Variants in ANK2 observed in about 807,000 individuals in gnomAD.
ANK2 encodes the protein ankyrin-2.
In ANK2, 83 loss-of-function variants were observed where a neutral mutation model predicts 360.5. The ratio of observed to expected loss-of-function variants is 0.23; its 90% confidence interval spans 0.19 to 0.28. The LOEUF (loss-of-function observed/expected upper bound fraction) is 0.28. Among genes scored for constraint, ANK2 ranks in the 10% least tolerant of loss-of-function variants. ANK2 has a pLI of 1.00. For missense variants in ANK2, 4,201 were observed against 4,795.7 expected (o/e 0.88, Z 3.66); for synonymous variants, 1,740 against 1,759.5 (o/e 0.99, Z 0.28).
At chr4:112,927,252 A>G (rs901779247) in intron 2 of ANK2, among the ~76,000 whole-genome samples, 2 of 152,314 alleles carry the variant, frequency 1.3e-5, no homozygotes, top group East Asian at 1.9e-4. Context: ...TTAACATCTT[A>G]CTGATCCTCT....
chr4:112,896,571 G>A (rs151035749), intron 1 of ANK2, among the ~76,000 whole-genome samples: 2 of 152,344 alleles, frequency 1.3e-5, no homozygotes, highest in Admixed American at 6.5e-5. Flanking sequence ...AGATAAATGT[G>A]TGAGTGCTGG....
intron 45 of ANK2, among the ~76,000 whole-genome samples, chr4:113,376,975 CCT>C (rs1199266752): frequency 3.3e-5 from 5 of 151,900 alleles, no homozygotes; most frequent in Non-Finnish European, 7.4e-5. Flanking sequence ...GAAAACAATG[CCT>C]TATTCTGCAA....
intron 2 of ANK2, among the ~76,000 whole-genome samples, chr4:112,922,838 A>G (rs956665889): frequency 1.3e-5 from 2 of 152,176 alleles, no homozygotes; most frequent in African/African-American, 4.8e-5. Context: ...ACTGATACCA[A>G]CCTAGCAAAA....
At chr4:113,365,008 C>G (rs745650364) in intron 40 of ANK2, 31 bp from the exon 41 acceptor site, 1 of 1,613,056 alleles carries the variant, frequency 6.2e-7, no homozygotes, top group Non-Finnish European at 8.5e-7. Flanking sequence ...ACCTCTCAGA[C>G]ATAATAAATG....
At chr4:112,877,019 C>T (rs1226045282) in intron 1 of ANK2, among the ~76,000 whole-genome samples, 1 of 152,150 alleles carries the variant, frequency 6.6e-6, no homozygotes, top group African/African-American at 2.4e-5. Flanking sequence ...TGACTTTCTC[C>T]CCCTTAATTG....
At chr4:112,796,537 A>T in the ANK2 span, among the ~76,000 whole-genome samples, 1 of 151,958 alleles carries the variant, frequency 6.6e-6, no homozygotes. Context: ...TTAAATAGAG[A>T]CGGGTTCTCA....
intron 1 of ANK2, among the ~76,000 whole-genome samples, chr4:113,053,044 G>A (rs1020233239): frequency 2.6e-5 from 4 of 152,188 alleles, no homozygotes; most frequent in African/African-American, 9.6e-5. Context: ...CTTGGACAAC[G>A]TCTTTGTTTT....
At chr4:112,794,613 A>G in the ANK2 span, among the ~76,000 whole-genome samples, 7 of 152,188 alleles carry the variant, frequency 4.6e-5, no homozygotes, top group African/African-American at 1.7e-4. Context: ...CATCTATATG[A>G]GTTTGTTGCT....
chr4:112,957,556 G>A (rs1371754230), intron 2 of ANK2, among the ~76,000 whole-genome samples: 1 of 151,836 alleles, frequency 6.6e-6, no homozygotes, highest in African/African-American at 2.4e-5. Context: ...GGTGGTGGCC[G>A]GGCAGAAGGG....
chr4:112,803,017 A>G, the ANK2 span, among the ~76,000 whole-genome samples: 4 of 152,108 alleles, frequency 2.6e-5, no homozygotes, highest in Non-Finnish European at 4.4e-5. Context: ...TGGTCTGATT[A>G]CTGGCTGTTG....
chr4:113,079,320 A>AACT (rs1382525535), intron 1 of ANK2, among the ~76,000 whole-genome samples: 1 of 152,124 alleles, frequency 6.6e-6, no homozygotes, highest in Non-Finnish European at 1.5e-5. Context: ...AACCTACATG[A>AACT]ACTGGGAGCA....
intron 4 of ANK2, among the ~76,000 whole-genome samples, chr4:113,228,959 G>A (rs901732188): frequency 6.6e-6 from 1 of 152,166 alleles, no homozygotes; most frequent in Non-Finnish European, 1.5e-5. Context: ...TGAGGGCAAT[G>A]CCACTCCTGG....
intron 24 of ANK2, 186 bp from the exon 25 acceptor site, chr4:113,317,521 T>C: frequency 1.6e-6 from 1 of 644,722 alleles, no homozygotes; most frequent in South Asian, 1.7e-5. Context: ...GGTAGGAACC[T>C]GTCAAAGGAT....
At chr4:112,798,503 C>T in the ANK2 span, 1 of 152,278 alleles carries the variant, frequency 6.6e-6, no homozygotes, top group South Asian at 2.1e-4. Context: ...CAAGGCTGGT[C>T]TTGAACTCCC....
intron 2 of ANK2, chr4:113,031,580 T>G (rs1230187705): frequency 2.0e-5 from 3 of 151,614 alleles, no homozygotes; most frequent in Non-Finnish European, 4.4e-5. Flanking sequence ...CCATTTCTAT[T>G]TTTTTGGTAT....
intron 2 of ANK2, among the ~76,000 whole-genome samples, chr4:113,011,809 G>C (rs1187496964): frequency 1.3e-5 from 2 of 151,986 alleles, no homozygotes; most frequent in African/African-American, 4.8e-5. Flanking sequence ...TTATGCCAAA[G>C]TGGCATATTT....
chr4:112,872,274 C>A (rs996421208), intron 1 of ANK2, among the ~76,000 whole-genome samples: 3 of 151,984 alleles, frequency 2.0e-5, no homozygotes, highest in African/African-American at 7.3e-5. Flanking sequence ...AAGCGATCCT[C>A]CTGCCTTGGC....
intron 26 of ANK2, 105 bp downstream of exon 26, chr4:113,318,725 G>A (rs1476248454): frequency 2.1e-6 from 2 of 933,298 alleles, no homozygotes; most frequent in Admixed American, 2.0e-5. Flanking sequence ...CTTTACAGTG[G>A]AGGTGCCCTT....
chr4:113,335,743 C>A, intron 29 of ANK2, 103 bp from the exon 30 acceptor site: 1 of 1,217,530 alleles, frequency 8.2e-7, no homozygotes, highest in Non-Finnish European at 1.2e-6. Flanking sequence ...ATGTGTTTTG[C>A]TGGCACTTCT....
Sources: allele counts gnomAD v4.1 joint callset (sites outside exome capture counted in the v4.1 genomes callset), GRCh38; gene constraint gnomAD v4.1.1; transcripts MANE v1.5; gene names NCBI Gene and HGNC (gene_info 2026-07-23, HGNC 2026-07-21).